Variants in PTPRN observed in about 807,000 individuals in gnomAD.
The protein encoded by PTPRN is protein tyrosine phosphatase receptor type N.
A neutral mutation model predicts 108.5 loss-of-function variants in PTPRN; 70 were observed. The ratio of observed to expected loss-of-function variants is 0.65; its 90% CI spans 0.53 to 0.79. The LOEUF (loss-of-function observed/expected upper bound fraction) is 0.79, where lower values mean the gene tolerates loss of function less well. Among genes scored for constraint, PTPRN ranks in the 30% least tolerant of loss-of-function variants. The pLI, the probability that PTPRN is intolerant of heterozygous loss-of-function variation, is 0.00. For missense variants in PTPRN, 1,136 were observed against 1,295.5 expected, an observed-to-expected ratio of 0.88 and a Z score of 1.89; for synonymous variants, 496 against 524.6, an observed-to-expected ratio of 0.95 and a Z score of 0.75.
intron 2 of PTPRN, 42 bp downstream of exon 2, chr2:219,307,750 C>T (rs754392258): frequency 3.1e-6 from 5 of 1,606,108 alleles, no homozygotes; most frequent in Non-Finnish European, 4.3e-6. Context: ...TATTGCCCCT[C>T]TCCCCCCGAT....
At chr2:219,294,277 G>C in intron 19 of PTPRN, 2 of 427,852 alleles carry the variant, frequency 4.7e-6, no homozygotes, top group East Asian at 7.2e-5. Context: ...GAGAGGGAGA[G>C]ACGGACAGAG....
intron 10 of PTPRN, 95 bp from the exon 11 acceptor site, chr2:219,299,479 G>A (rs901387738): frequency 2.8e-6 from 4 of 1,409,530 alleles, no homozygotes; most frequent in Non-Finnish European, 3.0e-6. Flanking sequence ...TAGAGGATGG[G>A]GCTGGAGCAG....
In PTPRN at chr2:219,297,821, G is replaced by T. The variant is rs137932923; in HGVS notation, c.1887+64C>A. On this transcript the variant is annotated intron_variant, in intron 13 of 22. Transcript: ENST00000295718. The surrounding 1 kb of genome is among the most constrained non-coding windows in gnomAD (Gnocchi z 6.0). ...CATTCAGTTCCGACCCTTAGTCCAC[G>T]CAAGACCCAGACTCCCAGGCCCCTT... is the stretch of plus-strand genomic sequence containing the variant. 1,593 of 1,512,496 alleles carry T rather than the reference G, an allele frequency of 1.1e-3. 18 individuals carry two copies. In the African/African-American group the frequency reaches 0.019, roughly 18 times the overall value. The allele number at this position is 1,512,496 out of a possible 1,614,324, so 93.7% of individuals were successfully genotyped here.
chr2:219,294,434 G>A (rs1952125446), intron 19 of PTPRN, among the ~76,000 whole-genome samples: 1 of 141,018 alleles, frequency 7.1e-6, no homozygotes, highest in Non-Finnish European at 1.5e-5. Context: ...GATGGGGAGA[G>A]AGAAGAGGAA....
intron 19 of PTPRN, 41 bp downstream of exon 19, chr2:219,294,934 C>T (rs1284994094): frequency 3.5e-6 from 5 of 1,447,230 alleles, no homozygotes; most frequent in Non-Finnish European, 4.5e-6. Flanking sequence ...GGCTCCGCCC[C>T]CGCCCATGCG....
In PTPRN at chr2:219,299,081, G is replaced by C. The variant is rs1177446218; in HGVS notation, c.1634C>G (p.Thr545Arg). ...TCCTGTCTGCAAGATTTGGAGCCCT[G>C]TCTGTGCTTCCAGTTCAGACTTCAC... is the stretch of plus-strand genomic sequence containing the variant. ...GLVKSELEAQ[T>R]GLQILQTGVG... is the part of the protein sequence containing the mutation. The change falls in exon 12 of 23, where the codon ACA becomes AGA. Residue 545 changes from threonine (T) to arginine (R), a missense_variant. Transcript: ENST00000295718. The C allele has an allele frequency of 6.2e-7, 1 of 1,614,252 alleles. No individual in the cohort carries two copies. The highest frequency in any genetic ancestry group is 1.1e-5 in the South Asian group (1 of 91,086).
chr2:219,300,377 A>T, intron 8 of PTPRN, 118 bp from the exon 9 acceptor site: 1 of 1,091,736 alleles, frequency 9.2e-7, no homozygotes, highest in Admixed American at 2.9e-5. Context: ...ACCCCCAGGG[A>T]CCACTGCAGT....
chr2:219,303,899 G>A, intron 3 of PTPRN, 68 bp from the exon 4 acceptor site: 1 of 1,195,586 alleles, frequency 8.4e-7, no homozygotes. Flanking sequence ...GACCACTGGG[G>A]ATCAGAACTG....
In PTPRN at chr2:219,309,198, A is replaced by G; in HGVS notation, c.115+20T>C. On this transcript the variant is annotated intron_variant, in intron 1 of 22. Coordinates refer to ENST00000295718, the MANE Select transcript of PTPRN (RefSeq NM_002846.4). ...TGCTCCCCGCCCCCCACCACCCGCC[A>G]GCCCAAGTTTCCTCCTGACCGTGGG... The G allele has an allele frequency of 1.6e-6, 1 of 627,970 alleles. No homozygotes were observed. The highest frequency in any genetic ancestry group is 1.7e-5 in the South Asian group (1 of 59,272). 38.9% of individuals were successfully genotyped at this position (627,970 alleles called of 1,614,324 possible). A position where few individuals can be genotyped will look rare whatever the true frequency, so the allele number is the denominator to read the frequency against.
In PTPRN at chr2:219,296,346, C is replaced by G; in HGVS notation, c.2389-1G>C. On this transcript the variant is annotated splice_acceptor_variant, in intron 17 of 22. Transcript: ENST00000295718. LOFTEE classifies it high-confidence loss of function. The surrounding 1 kb of genome is among the most constrained non-coding windows in gnomAD (Gnocchi z 6.0). ...CGGTGCAGCCGCTCTCCCACACCATCTAGGGACAGAGACCCAGTTGAGCTC... is the reference window on the plus strand; with the variant it reads ...CGGTGCAGCCGCTCTCCCACACCATGTAGGGACAGAGACCCAGTTGAGCTC... 1 of 1,614,176 alleles carries G rather than the reference C, an allele frequency of 6.2e-7. No individual in the cohort carries two copies. Among genetic ancestry groups the G allele is most frequent in the Non-Finnish European group, 8.5e-7 (1 of 1,180,034 alleles).
chr2:219,290,703 T>C lies in PTPRN; in HGVS notation c.2795-92A>G. On this transcript the variant is annotated intron_variant, in intron 21 of 22. Transcript: ENST00000295718. This position sits in a 1 kb window ranked among gnomAD's most constrained non-coding sequence, Gnocchi z 4.2. ...TGAGGCCTCCTGGAGGCAAAGAGCC[T>C]TGGAGGGCTGGGCAGAGCCTGGAGG... is the stretch of plus-strand genomic sequence containing the variant. The C allele has an allele frequency of 6.7e-7, 1 of 1,487,934 alleles. No homozygotes were observed. Among genetic ancestry groups the C allele is most frequent in the Non-Finnish European group, 9.3e-7 (1 of 1,077,936 alleles). 92.2% of individuals were successfully genotyped at this position (1,487,934 alleles called of 1,614,324 possible).
In PTPRN at chr2:219,290,345, C is replaced by CACAGG; in HGVS notation, c.2869-49_2869-48insCCTGT. 1.3e-6 allele frequency: 2 copies of CACAGG among 1,562,894 alleles called. No individual in the cohort carries two copies. Among genetic ancestry groups the CACAGG allele is most frequent in the Non-Finnish European group, 1.8e-6 (2 of 1,138,360 alleles). On this transcript the variant is annotated intron_variant, in intron 22 of 22. Transcript: ENST00000295718. The surrounding 1 kb of genome is among the most constrained non-coding windows in gnomAD (Gnocchi z 4.2). Reference sequence around the variant, plus strand: ...TGGTCATGGAGAGGGCTGACCTGTGCTCTGCCCTCAAGATGGGGGGCTTTT... The same window carrying CACAGG: ...TGGTCATGGAGAGGGCTGACCTGTGCACAGGTCTGCCCTCAAGATGGGGGGCTTTT...
At position 219,301,686 on chromosome 2, in the gene PTPRN, G is replaced by C. The variant is rs139651840; in HGVS notation, c.1028C>G (p.Ala343Gly). The change falls in exon 7 of 23, where the codon GCG becomes GGG. Residue 343 changes from alanine (A) to glycine (G), a missense_variant. Ala to Gly is a moderately conservative substitution (Grantham distance 60, BLOSUM62 0). Coordinates refer to ENST00000295718, the MANE Select transcript of PTPRN (RefSeq NM_002846.4). ...AALQRLAAVL[A>G]GYGVELRQLT... ...CTGACGCAGCTCTACCCCATAGCCCGCCAGCACAGCGGCCAGCCTCTGCAG... is the reference window on the plus strand; with the variant it reads ...CTGACGCAGCTCTACCCCATAGCCCCCCAGCACAGCGGCCAGCCTCTGCAG... 1 of 1,612,662 alleles carries C rather than the reference G, an allele frequency of 6.2e-7. No individual in the cohort carries two copies. The highest frequency in any genetic ancestry group is 2.2e-5 in the East Asian group (1 of 44,848).
At chr2:219,303,003 G>A (rs1952396688) in intron 4 of PTPRN, among the ~76,000 whole-genome samples, 166 bp from the exon 5 acceptor site, 1 of 152,216 alleles carries the variant, frequency 6.6e-6, no homozygotes, top group Non-Finnish European at 1.5e-5. Flanking sequence ...GTGGGAATGG[G>A]GAGGGACCAG....
chr2:219,308,828 T>G (rs1574936221), intron 1 of PTPRN: 1 of 1,306,120 alleles, frequency 7.7e-7, no homozygotes, highest in Non-Finnish European at 1.0e-6. Flanking sequence ...GAGATCACCG[T>G]TCCCTCATTC....
chr2:219,290,981 G>C lies in PTPRN; in HGVS notation c.2730-91C>G. Reference sequence around the variant, plus strand: ...CGAGGAGGCCTGGAGGCCTGGGGGAGGGGAGGACACTGGGTGACCCGTTGG... The same window carrying C: ...CGAGGAGGCCTGGAGGCCTGGGGGACGGGAGGACACTGGGTGACCCGTTGG... On this transcript the variant is annotated intron_variant, in intron 20 of 22. Coordinates refer to ENST00000295718, the MANE Select transcript of PTPRN (RefSeq NM_002846.4). This position sits in a 1 kb window ranked among gnomAD's most constrained non-coding sequence, Gnocchi z 4.2. 7.7e-7 allele frequency: 1 copy of C among 1,297,148 alleles called. No individual in the cohort carries two copies. The highest frequency in any genetic ancestry group is 1.1e-6 in the Non-Finnish European group (1 of 895,048). The allele number at this position is 1,297,148 out of a possible 1,614,324, so 80.4% of individuals were successfully genotyped here. A position where few individuals can be genotyped will look rare whatever the true frequency, so the allele number is the denominator to read the frequency against.
Position 219,290,544 on chromosome 2 carries a change from G to T in PTPRN, c.2862C>A (p.Arg954=), listed in dbSNP as rs1433346106. 4 of 1,551,524 alleles carry T rather than the reference G, an allele frequency of 2.6e-6. No homozygotes were observed. In the African/African-American group the frequency reaches 5.5e-5, roughly 21 times the overall value. ...GGCAGGAAGGCATGGTCACCTTAGA[G>T]CGGACAAGGCCAGGCCGCTGGTCAC... is the stretch of plus-strand genomic sequence containing the variant. The part of the protein sequence containing the change: ...HVRDQRPGLV[R]SKDQFEFALT... The change falls in exon 22 of 23, where the codon CGC becomes CGA. Residue 954 remains arginine (R), a synonymous_variant. Coordinates refer to ENST00000295718, the MANE Select transcript of PTPRN (RefSeq NM_002846.4). The surrounding 1 kb of genome is among the most constrained non-coding windows in gnomAD (Gnocchi z 4.2).
rs1370583291 is a variant in PTPRN at position 219,307,811 on chromosome 2, G to C, written c.147C>G (p.His49Gln). 1.2e-6 allele frequency: 2 copies of C among 1,614,038 alleles called. No individual in the cohort carries two copies. The highest frequency in any genetic ancestry group is 1.7e-6 in the Non-Finnish European group (2 of 1,180,038). ...GCLFDRRLCS[H>Q]LEVCIQDGLF... ...ACTCACCCTGAATACAGACTTCCAG[G>C]TGAGAGCAGAGCCTGCGGTCAAATA... The change falls in exon 2 of 23, where the codon CAC becomes CAG. Residue 49 changes from histidine to glutamine, a missense_variant. By Grantham distance (24) the His-to-Gln change is conservative. Transcript: ENST00000295718.
Position 219,302,226 on chromosome 2 carries a change from CTGCTCCCT to C in PTPRN, c.897_904del (p.Gly300GlnfsTer11), listed in dbSNP as rs1320092823. The C allele has an allele frequency of 2.5e-6, 4 of 1,614,134 alleles. No homozygotes were observed. In the Admixed American group the frequency reaches 6.7e-5, roughly 27 times the overall value. On this transcript the variant is annotated frameshift_variant, in exon 6 of 23. Transcript: ENST00000295718. LOFTEE classifies it high-confidence loss of function. ...CTCTGGGGAGTCCTCTGCCCGGCTG[CTGCTCCCT>C]TGCTCTGGCAGCCTTGGCACCCTGG...
Sources: gnomAD v4.1 joint callset for allele counts (sites outside exome capture counted in the v4.1 genomes callset) on GRCh38, gnomAD v4.1.1 for gene constraint, Gnocchi (gnomAD v3.1) non-coding constraint, MANE v1.5 for transcripts, NCBI Gene and HGNC (gene_info 2026-07-23, HGNC 2026-07-21) for gene names.